The following KIF6 variants were observed in gnomAD, a reference collection of about 807,000 sequenced individuals.
The protein encoded by KIF6 is kinesin-like protein KIF6.
A neutral mutation model predicts 112.7 loss-of-function variants in KIF6; 106 were observed. The observed-to-expected ratio is 0.94, with a 90% CI of 0.80 to 1.11. The LOEUF (loss-of-function observed/expected upper bound fraction) is 1.11. Ranked by LOEUF, KIF6 falls within the 50% of genes least tolerant of loss-of-function variation. The probability of loss-of-function intolerance (pLI) is 0.00; values close to 1 mark genes in which losing one functional copy is unlikely to be tolerated. For missense variants in KIF6, 929 were observed against 964.0 expected (o/e 0.96, Z 0.48); for synonymous variants, 339 against 339.9 (o/e 1.00, Z 0.03).
chr6:39,603,748 A>C (rs1327677776), intron 6 of KIF6, among the ~76,000 whole-genome samples: 3 of 152,118 alleles, frequency 2.0e-5, no homozygotes, highest in Non-Finnish European at 4.4e-5. Context: ...AATCACTTCA[A>C]AAATGATTAT....
At chr6:39,412,512 T>C (rs887049168) in intron 15 of KIF6, among the ~76,000 whole-genome samples, 3 of 152,252 alleles carry the variant, frequency 2.0e-5, no homozygotes, top group Non-Finnish European at 2.9e-5. Flanking sequence ...TATTTCTTCC[T>C]TTTTGGAGTC....
At chr6:39,387,439 C>T (rs1412965283) in intron 15 of KIF6, among the ~76,000 whole-genome samples, 2 of 152,140 alleles carry the variant, frequency 1.3e-5, no homozygotes, top group Non-Finnish European at 2.9e-5. Context: ...GTCTGGGGCA[C>T]CTGCATGTCT....
In KIF6 at chr6:39,346,085, T is replaced by TCTCTCTCTCTCTCTC. The variant is rs1212794740; in HGVS notation, c.2232-297_2232-296insGAGAGAGAGAGAGAG. The stretch of plus-strand genomic sequence containing the variant: ...CTCTCTCTCTCTCTCTCTCTCTCTC[T>TCTCTCTCTCTCTCTC]CCCCCCCCTCTCCCTCCCCCCCTCC... On this transcript the variant is annotated intron_variant, in intron 20 of 22. Coordinates refer to ENST00000287152, the MANE Select transcript of KIF6 (RefSeq NM_145027.6). Among the ~76,000 whole-genome samples the TCTCTCTCTCTCTCTC allele has an allele frequency of 1.4e-3, 30 of 21,598 alleles. 7 individuals are homozygous for TCTCTCTCTCTCTCTC. Among genetic ancestry groups the TCTCTCTCTCTCTCTC allele is most frequent in the Admixed American group, 3.1e-3 (5 of 1,598 alleles). The allele number at this position is 21,598 out of a possible 152,430, so 14.2% of individuals were successfully genotyped here. A position where few individuals can be genotyped will look rare whatever the true frequency, so the allele number is the denominator to read the frequency against.
At chr6:39,360,596 G>C in intron 17 of KIF6, 66 bp from the exon 18 acceptor site, 1 of 1,579,758 alleles carries the variant, frequency 6.3e-7, no homozygotes, top group Non-Finnish European at 8.7e-7. Context: ...ATGCAGGGCT[G>C]TAAATGAATG....
chr6:39,533,392 C>G (rs1021107093), intron 13 of KIF6, among the ~76,000 whole-genome samples: 1 of 152,200 alleles, frequency 6.6e-6, no homozygotes, highest in Non-Finnish European at 1.5e-5. Flanking sequence ...CCTGCACCCA[C>G]AGAGTCTCGC....
At chr6:39,721,951 T>G (rs1487308688) in intron 1 of KIF6, among the ~76,000 whole-genome samples, 1 of 152,150 alleles carries the variant, frequency 6.6e-6, no homozygotes, top group South Asian at 2.1e-4. Flanking sequence ...AAAGCCTACC[T>G]AAATCTCCAG....
chr6:39,634,825 A>T lies in KIF6; in HGVS notation c.509+24T>A, dbSNP rs552721569. ...GAACATCTGAAAGTAATTTCCCTCCATTCTTTGTTGTTCTGCTACTCACGG... is the reference window on the plus strand; with the variant it reads ...GAACATCTGAAAGTAATTTCCCTCCTTTCTTTGTTGTTCTGCTACTCACGG... On this transcript the variant is annotated intron_variant, in intron 5 of 22. Transcript: ENST00000287152. 3.0e-6 allele frequency: 4 copies of T among 1,314,570 alleles called. No individual in the cohort carries two copies. In the South Asian group the frequency reaches 4.7e-5, roughly 16 times the overall value. The allele number at this position is 1,314,570 out of a possible 1,614,324, so 81.4% of individuals were successfully genotyped here.
At position 39,360,375 on chromosome 6, in the gene KIF6, T is replaced by A; in HGVS notation, c.2082+20A>T. The A allele has an allele frequency of 6.2e-7, 1 of 1,613,650 alleles. No homozygotes were observed. Among genetic ancestry groups the A allele is most frequent in the East Asian group, 2.2e-5 (1 of 44,874 alleles). ...ATGACTGGCCCCTCCCCAGCTTCCC[T>A]GATGTTCCCCAGGCCATACCTGCAG... On this transcript the variant is annotated intron_variant, in intron 18 of 22. Coordinates refer to ENST00000287152, the MANE Select transcript of KIF6 (RefSeq NM_145027.6).
At chr6:39,607,494 T>C (rs576575790) in intron 6 of KIF6, among the ~76,000 whole-genome samples, 3 of 152,180 alleles carry the variant, frequency 2.0e-5, no homozygotes, top group Non-Finnish European at 4.4e-5. Flanking sequence ...GTATGTATAA[T>C]AGATAAGAAA....
intron 16 of KIF6, among the ~76,000 whole-genome samples, chr6:39,363,268 C>G (rs1162871804): frequency 6.6e-6 from 1 of 152,220 alleles, no homozygotes; most frequent in Non-Finnish European, 1.5e-5. Context: ...AATTTCCAGC[C>G]TCAGAATCGT....
chr6:39,438,212 G>A (rs907126285), intron 13 of KIF6, among the ~76,000 whole-genome samples: 11 of 152,164 alleles, frequency 7.2e-5, no homozygotes, highest in Non-Finnish European at 1.5e-5. Context: ...GACCTCAGGT[G>A]ATCCACCTGC....
At chr6:39,693,994 G>C (rs1234028012) in intron 3 of KIF6, among the ~76,000 whole-genome samples, 1 of 151,844 alleles carries the variant, frequency 6.6e-6, no homozygotes, top group East Asian at 1.9e-4. Flanking sequence ...CTTATTCCTG[G>C]GATGCAAAGA....
chr6:39,665,671 G>A (rs184147360), intron 3 of KIF6, among the ~76,000 whole-genome samples: 3 of 152,022 alleles, frequency 2.0e-5, no homozygotes, highest in African/African-American at 4.8e-5. Flanking sequence ...CAACTTTCAC[G>A]ATCATTAATT....
chr6:39,393,667 A>G (rs973317220), intron 15 of KIF6, among the ~76,000 whole-genome samples: 1 of 152,192 alleles, frequency 6.6e-6, no homozygotes, highest in Non-Finnish European at 1.5e-5. Context: ...AATAATAACA[A>G]AGTGAAGATA....
intron 16 of KIF6, among the ~76,000 whole-genome samples, chr6:39,365,236 C>T (rs1266027840): frequency 6.6e-6 from 1 of 152,140 alleles, no homozygotes; most frequent in Non-Finnish European, 1.5e-5. Flanking sequence ...TGTCAATTGC[C>T]AACTTTAAAT....
intron 10 of KIF6, among the ~76,000 whole-genome samples, chr6:39,574,603 T>A: frequency 6.6e-6 from 1 of 152,180 alleles, no homozygotes; most frequent in East Asian, 1.9e-4. Context: ...TTTTCTGTAT[T>A]TTGTGGCTCT....
chr6:39,563,333 G>C (rs1043247662), intron 10 of KIF6, among the ~76,000 whole-genome samples: 1 of 152,090 alleles, frequency 6.6e-6, no homozygotes, highest in Non-Finnish European at 1.5e-5. Context: ...TTCCAGACTT[G>C]TTTGTAAACA....
At chr6:39,575,562 G>A (rs969109436) in intron 10 of KIF6, among the ~76,000 whole-genome samples, 42 of 152,006 alleles carry the variant, frequency 2.8e-4, no homozygotes, top group African/African-American at 8.2e-4. Context: ...GAGCCACCAC[G>A]CCCGGCTGCT....
chr6:39,717,147 T>A (rs1387083960), intron 2 of KIF6, among the ~76,000 whole-genome samples: 1 of 152,150 alleles, frequency 6.6e-6, no homozygotes, highest in African/African-American at 2.4e-5. Flanking sequence ...ATAATTTCAT[T>A]CCTCTGCTCA....
Sources: gnomAD v4.1 joint callset for allele counts (sites outside exome capture counted in the v4.1 genomes callset) on GRCh38, gnomAD v4.1.1 for gene constraint, MANE v1.5 for transcripts, NCBI Gene and HGNC (gene_info 2026-07-23, HGNC 2026-07-21) for gene names.